Variants in PIBF1 observed in about 807,000 individuals in gnomAD.
PIBF1 encodes progesterone-induced-blocking factor 1.
PIBF1 carries 90 observed loss-of-function variants against 112.5 expected under a neutral mutation model. The ratio of observed to expected loss-of-function variants is 0.80; its 90% CI spans 0.67 to 0.95. The LOEUF (loss-of-function observed/expected upper bound fraction) is 0.95, where lower values mean the gene tolerates loss of function less well. PIBF1 is among the 40% of genes least tolerant of loss of function. The pLI is 0.00. For synonymous variants in PIBF1, 301 were observed against 288.6 expected (o/e 1.04, Z -0.44); for missense variants, 915 against 852.3 (o/e 1.07, Z -0.92).
At chr13:72,815,645 C>T (rs941655041) in intron 5 of PIBF1, among the ~76,000 whole-genome samples, 19 of 152,070 alleles carry the variant, frequency 1.2e-4, no homozygotes, top group Non-Finnish European at 2.9e-5. Context: ...TTTCCATCAC[C>T]TGTGTTAATA....
At chr13:72,825,890 AC>A (rs1489135799) in intron 6 of PIBF1, among the ~76,000 whole-genome samples, 74 of 147,286 alleles carry the variant, frequency 5.0e-4, no homozygotes, top group Non-Finnish European at 1.0e-4. Flanking sequence ...ATATAGCAAG[AC>A]CGTCTTTACA....
intron 6 of PIBF1, among the ~76,000 whole-genome samples, chr13:72,825,798 T>C (rs1220117778): frequency 1.3e-5 from 2 of 151,980 alleles, no homozygotes; most frequent in Non-Finnish European, 2.9e-5. Flanking sequence ...GGTTACAGCG[T>C]GTCATGTCTG....
chr13:72,796,637 T>G (rs1461572936), intron 4 of PIBF1, among the ~76,000 whole-genome samples: 3 of 147,432 alleles, frequency 2.0e-5, no homozygotes, highest in African/African-American at 7.8e-5. Flanking sequence ...GAAGTTACTT[T>G]TTTGTTCAGC....
At chr13:72,832,758 C>T (rs1349216772) in intron 8 of PIBF1, among the ~76,000 whole-genome samples, 1 of 152,112 alleles carries the variant, frequency 6.6e-6, no homozygotes, top group Non-Finnish European at 1.5e-5. Flanking sequence ...TAGTGTTGCT[C>T]TTCTCAACAA....
At chr13:72,989,182 A>G (rs2043395262) in intron 16 of PIBF1, among the ~76,000 whole-genome samples, 1 of 152,244 alleles carries the variant, frequency 6.6e-6, no homozygotes, top group African/African-American at 2.4e-5. Context: ...GTTACATACA[A>G]CCCAGCAGCT....
intron 10 of PIBF1, among the ~76,000 whole-genome samples, chr13:72,888,528 G>T (rs2039941456): frequency 6.6e-6 from 1 of 152,046 alleles, no homozygotes; most frequent in African/African-American, 2.4e-5. Context: ...TTGTGCATGG[G>T]AGGCAATTCT....
intron 16 of PIBF1, among the ~76,000 whole-genome samples, chr13:72,995,604 T>A (rs1566530755): frequency 6.6e-6 from 1 of 152,186 alleles, no homozygotes; most frequent in Non-Finnish European, 1.5e-5. Flanking sequence ...TGTATTCATA[T>A]GTTTTACCAT....
chr13:72,954,032 G>A (rs1370032305), intron 14 of PIBF1, among the ~76,000 whole-genome samples: 2 of 152,122 alleles, frequency 1.3e-5, no homozygotes, highest in Non-Finnish European at 2.9e-5. Flanking sequence ...TCCCCAGTGG[G>A]GATCAGAGAA....
intron 14 of PIBF1, among the ~76,000 whole-genome samples, chr13:72,937,595 G>T (rs549325335): frequency 6.6e-6 from 1 of 152,118 alleles, no homozygotes; most frequent in Non-Finnish European, 1.5e-5. Flanking sequence ...TGAGACAGGT[G>T]GATCACCTGA....
At chr13:72,851,620 G>A (rs1037056737) in intron 9 of PIBF1, among the ~76,000 whole-genome samples, 1 of 152,244 alleles carries the variant, frequency 6.6e-6, no homozygotes, top group African/African-American at 2.4e-5. Context: ...GCGGAAAGGG[G>A]TGGGTCCCTG....
intron 16 of PIBF1, among the ~76,000 whole-genome samples, chr13:72,994,851 T>G (rs1319820582): frequency 2.0e-5 from 3 of 152,242 alleles, no homozygotes; most frequent in East Asian, 3.8e-4. Context: ...GTTGGATTGT[T>G]TCCTGTTTGC....
At chr13:72,935,969 C>T (rs1455132664) in intron 14 of PIBF1, among the ~76,000 whole-genome samples, 3 of 151,510 alleles carry the variant, frequency 2.0e-5, no homozygotes, top group Non-Finnish European at 2.9e-5. Flanking sequence ...ATATTTTTTC[C>T]CACCCTGTGG....
chr13:73,001,775 C>T (rs2043879401), intron 17 of PIBF1, among the ~76,000 whole-genome samples: 1 of 151,580 alleles, frequency 6.6e-6, no homozygotes, highest in Non-Finnish European at 1.5e-5. Context: ...AGGCATGTGC[C>T]ACAACGCCCA....
At chr13:73,010,771 C>A (rs2044172073) in intron 17 of PIBF1, among the ~76,000 whole-genome samples, 1 of 134,568 alleles carries the variant, frequency 7.4e-6, no homozygotes, top group African/African-American at 2.8e-5. Flanking sequence ...CTTATCTTAA[C>A]AACAAATAAA....
At chr13:72,918,259 C>G (rs1292031877) in intron 13 of PIBF1, among the ~76,000 whole-genome samples, 1 of 152,114 alleles carries the variant, frequency 6.6e-6, no homozygotes, top group Non-Finnish European at 1.5e-5. Context: ...ACCTATTTCT[C>G]TGCCTATAAA....
intron 11 of PIBF1, among the ~76,000 whole-genome samples, chr13:72,895,605 G>A (rs1258817704): frequency 6.6e-6 from 1 of 151,818 alleles, no homozygotes; most frequent in African/African-American, 2.4e-5. Context: ...CTTTAGATAG[G>A]TCTGTGTGTT....
Position 72,998,992 on chromosome 13 carries a change from CT to C in PIBF1, c.2223del (p.Phe741LeufsTer15). On this transcript the variant is annotated frameshift_variant and splice_region_variant, in exon 17 of 18. Transcript: ENST00000326291. LOFTEE classifies it high-confidence loss of function. ...ATATATTTACACCTAAACCAACACTCTTTGTAAGTACAATTTTTAAAACTCA... is the reference window on the plus strand; with the variant it reads ...ATATATTTACACCTAAACCAACACTCTTGTAAGTACAATTTTTAAAACTCA... Reference protein sequence around the residue: ...DNIFTPKPTLFTKKEAPEWSK... With the variant: ...DNIFTPKPTLXTKKEAPEWSK... The C allele has an allele frequency of 6.4e-7, 1 of 1,550,936 alleles. No individual in the cohort carries two copies. Among genetic ancestry groups the C allele is most frequent in the Non-Finnish European group, 8.8e-7 (1 of 1,140,010 alleles).
chr13:72,925,699 A>G (rs1285456908), intron 13 of PIBF1, among the ~76,000 whole-genome samples: 4 of 150,322 alleles, frequency 2.7e-5, no homozygotes, highest in Non-Finnish European at 5.9e-5. Flanking sequence ...CTGCCACCAC[A>G]CCCAGCTAAT....
intron 8 of PIBF1, among the ~76,000 whole-genome samples, chr13:72,831,180 T>C (rs2037094575): frequency 6.6e-6 from 1 of 151,090 alleles, no homozygotes; most frequent in African/African-American, 2.5e-5. Context: ...TGGCTAGCAG[T>C]CTATCTATTT....
Sources: gnomAD v4.1 joint callset for allele counts (sites outside exome capture counted in the v4.1 genomes callset) on GRCh38, gnomAD v4.1.1 for gene constraint, MANE v1.5 for transcripts, NCBI Gene and HGNC (gene_info 2026-07-23, HGNC 2026-07-21) for gene names.